Variants in ZFHX3 observed in about 807,000 individuals in gnomAD.
ZFHX3 encodes the protein zinc finger homeobox 3.
A neutral mutation model predicts 279.1 loss-of-function variants in ZFHX3; 42 were observed. The observed-to-expected ratio is 0.15, with a 90% CI of 0.12 to 0.19. The LOEUF is 0.19. ZFHX3 is among the 10% of genes least tolerant of loss of function. The pLI is 1.00. For missense variants in ZFHX3, 4,981 were observed against 4,754.0 expected, an observed-to-expected ratio of 1.05 and a Z score of -1.40; for synonymous variants, 2,293 against 1,957.8, an observed-to-expected ratio of 1.17 and a Z score of -4.52.
chr16:73,104,793 A>C (rs377210204), intron 7 of ZFHX3, among the ~76,000 whole-genome samples: 9 of 152,228 alleles, frequency 5.9e-5, no homozygotes, highest in African/African-American at 2.2e-4. Context: ...GCTACTTCAG[A>C]AGCCTTCCTT....
chr16:73,131,510 A>C (rs1167437129), intron 6 of ZFHX3, among the ~76,000 whole-genome samples: 1 of 152,224 alleles, frequency 6.6e-6, no homozygotes, highest in Non-Finnish European at 1.5e-5. Flanking sequence ...TAAGTCAGAC[A>C]GGGTACTTTT....
intron 7 of ZFHX3, among the ~76,000 whole-genome samples, chr16:73,104,075 G>A (rs1413236958): frequency 1.3e-5 from 2 of 151,954 alleles, no homozygotes; most frequent in Non-Finnish European, 2.9e-5. Context: ...TGACATGTTA[G>A]GTTATGAAAT....
intron 4 of ZFHX3, among the ~76,000 whole-genome samples, chr16:72,860,148 T>A (rs1489994695): frequency 1.3e-5 from 2 of 152,066 alleles, no homozygotes; most frequent in Admixed American, 1.3e-4. Context: ...TTTTAACAGA[T>A]CCAGATTCCC....
chr16:73,421,484 C>T (rs1284986895), intron 3 of ZFHX3: 1 of 152,106 alleles, frequency 6.6e-6, no homozygotes, highest in Non-Finnish European at 1.5e-5. Context: ...AATAATTTTG[C>T]TAAATTACAT....
intron 1 of ZFHX3, among the ~76,000 whole-genome samples, chr16:73,687,005 C>T (rs1597066223): frequency 1.5e-5 from 1 of 66,092 alleles, no homozygotes; most frequent in African/African-American, 5.8e-5. Flanking sequence ...TATATATTTG[C>T]AGCTAAATAT....
intron 5 of ZFHX3, among the ~76,000 whole-genome samples, chr16:73,236,700 G>T (rs1328389093): frequency 6.6e-6 from 1 of 151,296 alleles, no homozygotes; most frequent in South Asian, 2.1e-4. Context: ...ACATAGTTTT[G>T]ATGCAGATCT....
At chr16:73,532,867 T>C (rs545502934) in intron 2 of ZFHX3, among the ~76,000 whole-genome samples, 187 of 152,306 alleles carry the variant, frequency 1.2e-3, no homozygotes, top group Non-Finnish European at 2.1e-3. Flanking sequence ...CTGATGGTTT[T>C]ATAAGGGTCT....
intron 8 of ZFHX3, among the ~76,000 whole-genome samples, chr16:73,078,936 G>A (rs528540745): frequency 2.0e-5 from 3 of 152,142 alleles, no homozygotes; most frequent in East Asian, 1.9e-4. Context: ...GAGCCACCGC[G>A]CCCGGCCCCT....
At chr16:73,267,103 C>G (rs2144975315) in intron 4 of ZFHX3, among the ~76,000 whole-genome samples, 1 of 152,268 alleles carries the variant, frequency 6.6e-6, no homozygotes, top group African/African-American at 2.4e-5. Context: ...TTCGTGACAG[C>G]CTCAGGGCTG....
At chr16:73,520,763 T>G (rs981200055) in intron 2 of ZFHX3, among the ~76,000 whole-genome samples, 7 of 152,222 alleles carry the variant, frequency 4.6e-5, no homozygotes, top group Non-Finnish European at 8.8e-5. Context: ...TATATTTATT[T>G]AGCACCTACT....
intron 1 of ZFHX3, among the ~76,000 whole-genome samples, chr16:73,044,244 A>G (rs1597129875): frequency 1.3e-5 from 2 of 152,130 alleles, no homozygotes; most frequent in East Asian, 3.9e-4. Flanking sequence ...GAGCATTTGG[A>G]TACCCCTATG....
At chr16:73,578,298 A>AGAT (rs2051821824) in intron 2 of ZFHX3, among the ~76,000 whole-genome samples, 1 of 152,142 alleles carries the variant, frequency 6.6e-6, no homozygotes, top group African/African-American at 2.4e-5. Flanking sequence ...ATGGAATCAT[A>AGAT]GATACATAAA....
At chr16:73,073,527 A>T (rs762895841) in intron 8 of ZFHX3, among the ~76,000 whole-genome samples, 2 of 152,074 alleles carry the variant, frequency 1.3e-5, no homozygotes, top group South Asian at 2.1e-4. Flanking sequence ...GAGACAGAGT[A>T]TCACTCTTTT....
chr16:73,870,771 A>G (rs1403385170), intron 1 of ZFHX3, among the ~76,000 whole-genome samples: 3 of 152,190 alleles, frequency 2.0e-5, no homozygotes, highest in African/African-American at 2.4e-5. Flanking sequence ...CTCTCCCTGT[A>G]TTAGCTATAT....
At chr16:73,843,763 A>G (rs1188222032) in intron 1 of ZFHX3, among the ~76,000 whole-genome samples, 1 of 152,182 alleles carries the variant, frequency 6.6e-6, no homozygotes. Flanking sequence ...AAAGAGCCAG[A>G]CAGGAAAAAT....
intron 4 of ZFHX3, among the ~76,000 whole-genome samples, chr16:72,869,276 A>G (rs949743549): frequency 2.2e-4 from 34 of 152,190 alleles, no homozygotes; most frequent in African/African-American, 8.0e-4. Context: ...GAGCTCTTGC[A>G]CAGTTACCAG....
chr16:73,775,573 A>G (rs1432698386), intron 1 of ZFHX3, among the ~76,000 whole-genome samples: 1 of 152,140 alleles, frequency 6.6e-6, no homozygotes, highest in Non-Finnish European at 1.5e-5. Context: ...CCCCAGTTAT[A>G]TTTAGGCAGT....
chr16:72,879,846 A>G (rs966505916), intron 4 of ZFHX3, among the ~76,000 whole-genome samples: 4 of 152,108 alleles, frequency 2.6e-5, no homozygotes, highest in African/African-American at 9.7e-5. Context: ...CAGGCACAAG[A>G]ACCTTCCTCC....
intron 3 of ZFHX3, among the ~76,000 whole-genome samples, chr16:73,369,868 AC>A (rs5817841): frequency 0.68 from 103,456 of 151,534 alleles, 35,819 homozygotes; most frequent in Non-Finnish European, 0.76. Flanking sequence ...CTGTCTCTCA[AC>A]TATTACAGTC....
Sources: allele counts gnomAD v4.1 joint callset (sites outside exome capture counted in the v4.1 genomes callset), GRCh38; gene constraint gnomAD v4.1.1; transcripts MANE v1.5; gene names NCBI Gene and HGNC (gene_info 2026-07-23, HGNC 2026-07-21).